The following IDO2 variants were observed in gnomAD, a reference collection of about 807,000 sequenced individuals.
IDO2 encodes the protein indoleamine 2,3-dioxygenase 2.
IDO2 carries 46 observed loss-of-function variants against 45.1 expected under a neutral mutation model. The ratio of observed to expected loss-of-function variants is 1.02; its 90% CI spans 0.80 to 1.30. The LOEUF (loss-of-function observed/expected upper bound fraction) is 1.30, where lower values mean the gene tolerates loss of function less well. Ranked by LOEUF, IDO2 falls within the 50% of genes most tolerant of loss-of-function variation. The pLI, the probability that IDO2 is intolerant of heterozygous loss-of-function variation, is 0.00. For missense variants in IDO2, 544 were observed against 491.8 expected, an observed-to-expected ratio of 1.11 and a Z score of -1.00; for synonymous variants, 218 against 184.9, an observed-to-expected ratio of 1.18 and a Z score of -1.45.
intron 2 of IDO2, among the ~76,000 whole-genome samples, chr8:39,953,639 T>C (rs1807844199): frequency 6.6e-6 from 1 of 152,178 alleles, no homozygotes; most frequent in Non-Finnish European, 1.5e-5. Context: ...CTCGGCTCCC[T>C]GCAACCTCCG....
chr8:39,978,550 G>T (rs965469542), intron 3 of IDO2, among the ~76,000 whole-genome samples: 3 of 152,096 alleles, frequency 2.0e-5, no homozygotes, highest in African/African-American at 7.2e-5. Flanking sequence ...GAGGGCGGGG[G>T]TGGAGGGGGT....
chr8:39,986,815 G>T (rs1398199605), intron 6 of IDO2: 1 of 151,784 alleles, frequency 6.6e-6, no homozygotes, highest in Non-Finnish European at 1.5e-5. Flanking sequence ...GGATCATGGG[G>T]TTGGATTTCC....
At chr8:39,945,548 G>GA (rs1483659742) in intron 1 of IDO2, among the ~76,000 whole-genome samples, 1 of 152,202 alleles carries the variant, frequency 6.6e-6, no homozygotes, top group Admixed American at 6.5e-5. Flanking sequence ...GTGCTTGTTT[G>GA]ATACCAGGGG....
At position 40,010,468 on chromosome 8, in the gene IDO2, T is replaced by C. The variant is rs1802294243; in HGVS notation, c.720-3097T>C. 2.6e-5 allele frequency among the ~76,000 whole-genome samples: 4 copies of C among 152,192 alleles called. No homozygotes were observed. In the South Asian group the frequency reaches 8.3e-4, roughly 32 times the overall value. On this transcript the variant is annotated intron_variant, in intron 9 of 10. Coordinates refer to ENST00000502986, the Ensembl canonical transcript of IDO2. ...CGTTTTGAAAAGAATAACAATGTGA[T>C]CTGCCTTCAGTTGCAAATCATCTCT...
intron 9 of IDO2, among the ~76,000 whole-genome samples, chr8:40,008,013 T>C (rs372729606): frequency 5.7e-4 from 85 of 150,106 alleles, no homozygotes; most frequent in Middle Eastern, 3.4e-3. Context: ...TTCCTTATCA[T>C]GTGTTTTTTT....
intron 3 of IDO2, among the ~76,000 whole-genome samples, 189 bp downstream of exon 3, chr8:39,963,892 A>T (rs1341237915): frequency 6.6e-6 from 1 of 152,178 alleles, no homozygotes; most frequent in Non-Finnish European, 1.5e-5. Context: ...GTGTTTTCCT[A>T]AGGTTTTCAG....
At chr8:39,956,031 C>T (rs1031979359) in intron 2 of IDO2, among the ~76,000 whole-genome samples, 7 of 148,000 alleles carry the variant, frequency 4.7e-5, no homozygotes, top group Non-Finnish European at 7.4e-5. Flanking sequence ...CTTTAGGTTA[C>T]GTTTTCTTCA....
At chr8:40,005,921 TG>T (rs1481430486) in intron 9 of IDO2, among the ~76,000 whole-genome samples, 9 of 152,234 alleles carry the variant, frequency 5.9e-5, no homozygotes, top group Admixed American at 4.6e-4. Flanking sequence ...ATCCCCTGAG[TG>T]GAACTAATGC....
chr8:39,969,168 C>T (rs552241709), intron 3 of IDO2, among the ~76,000 whole-genome samples: 51 of 152,264 alleles, frequency 3.3e-4, no homozygotes, highest in Admixed American at 5.2e-4. Context: ...TCAATTTTTA[C>T]AAATTGAAGA....
At chr8:39,967,825 T>G (rs1273221485) in intron 3 of IDO2, among the ~76,000 whole-genome samples, 1 of 152,188 alleles carries the variant, frequency 6.6e-6, no homozygotes, top group Non-Finnish European at 1.5e-5. Context: ...GGCTAATTTT[T>G]TAAAAATCTG....
intron 8 of IDO2, among the ~76,000 whole-genome samples, chr8:39,996,561 T>TC (rs1802049564): frequency 6.6e-6 from 1 of 151,852 alleles, no homozygotes; most frequent in African/African-American, 2.4e-5. Context: ...GTGGTAGTGG[T>TC]CCCCCGGGCC....
exon 11 of IDO2, chr8:40,015,792 C>A: frequency 3.5e-6 from 2 of 578,158 alleles, no homozygotes. Context: ...TGTGGCCAAG[C>A]CTTTCCCTCC....
At chr8:40,016,204 AC>A in exon 11 of IDO2, 1 of 398,044 alleles carries the variant, frequency 2.5e-6, no homozygotes, top group Non-Finnish European at 4.4e-6. Context: ...GAGACTTTCC[AC>A]GTGGTACCTA....
chr8:40,004,384 T>A (rs1325557956), intron 8 of IDO2, among the ~76,000 whole-genome samples: 1 of 152,074 alleles, frequency 6.6e-6, no homozygotes, highest in African/African-American at 2.4e-5. Flanking sequence ...AGGTCTCACA[T>A]AAAAGATGTA....
At position 40,016,205 on chromosome 8, in the gene IDO2, C is replaced by T. The variant is rs1346875836; in HGVS notation, c.*603C>T. 1.5e-5 allele frequency: 6 copies of T among 397,822 alleles called. 1 individual carries two copies. Among genetic ancestry groups the T allele is most frequent in the Non-Finnish European group, 2.7e-5 (6 of 225,572 alleles). 24.6% of individuals were successfully genotyped at this position (397,822 alleles called of 1,614,324 possible). ...ATATGGGAACGGATGAGACTTTCCACGTGGTACCTAGATTTGCAAATTCTA... is the reference window on the plus strand; with the variant it reads ...ATATGGGAACGGATGAGACTTTCCATGTGGTACCTAGATTTGCAAATTCTA... On this transcript the variant is annotated 3_prime_UTR_variant, in exon 11 of 11. Coordinates refer to ENST00000502986, the Ensembl canonical transcript of IDO2.
intron 3 of IDO2, among the ~76,000 whole-genome samples, chr8:39,967,528 G>A (rs551116224): frequency 3.9e-5 from 6 of 151,976 alleles, no homozygotes; most frequent in East Asian, 1.9e-4. Flanking sequence ...CACTCTTGTT[G>A]CCCAGGCTGG....
intron 3 of IDO2, among the ~76,000 whole-genome samples, chr8:39,972,596 C>A (rs188971069): frequency 1.1e-5 from 1 of 95,116 alleles, no homozygotes; most frequent in Non-Finnish European, 1.8e-5. Context: ...GGTAACAGAG[C>A]AAGACTCCAT....
intron 8 of IDO2, among the ~76,000 whole-genome samples, chr8:40,004,518 A>C (rs189906207): frequency 0.032 from 4,122 of 127,444 alleles, 175 homozygotes; most frequent in African/African-American, 0.11. Context: ...CAGATTAGAC[A>C]GACAGATGAT....
chr8:39,971,312 C>T (rs1471237921), intron 3 of IDO2, among the ~76,000 whole-genome samples: 5 of 152,114 alleles, frequency 3.3e-5, no homozygotes, highest in Non-Finnish European at 5.9e-5. Context: ...CTCACTGTTG[C>T]GACCTACTGC....
Sources: gnomAD v4.1 joint callset for allele counts (sites outside exome capture counted in the v4.1 genomes callset) on GRCh38, gnomAD v4.1.1 for gene constraint, MANE v1.5 for transcripts, NCBI Gene and HGNC (gene_info 2026-07-23, HGNC 2026-07-21) for gene names.